Variants in PCLO observed in about 807,000 individuals in gnomAD.
The protein encoded by PCLO is protein piccolo.
PCLO carries 82 observed loss-of-function variants against 427.5 expected under a neutral mutation model. The observed-to-expected ratio is 0.19, with a 90% CI of 0.16 to 0.23. The LOEUF (loss-of-function observed/expected upper bound fraction) is 0.23. Ranked by LOEUF, PCLO falls within the 10% of genes least tolerant of loss-of-function variation. The probability of loss-of-function intolerance (pLI) is 1.00; values close to 1 mark genes in which losing one functional copy is unlikely to be tolerated. For missense variants in PCLO, 6,239 were observed against 6,115.9 expected, an observed-to-expected ratio of 1.02 and a Z score of -0.67; for synonymous variants, 2,357 against 2,155.4, an observed-to-expected ratio of 1.09 and a Z score of -2.59.
At chr7:82,887,266 C>T (rs1433678501) in intron 9 of PCLO, among the ~76,000 whole-genome samples, 2 of 152,164 alleles carry the variant, frequency 1.3e-5, no homozygotes, top group Non-Finnish European at 2.9e-5. Context: ...TTTCTCTTGA[C>T]TTTCACATCC....
chr7:83,013,150 TAAA>T (rs998154766), intron 3 of PCLO, among the ~76,000 whole-genome samples: 2 of 152,036 alleles, frequency 1.3e-5, no homozygotes, highest in African/African-American at 4.8e-5. Flanking sequence ...GCACTTATAA[TAAA>T]AATAAAAATC....
At chr7:83,011,410 T>C (rs909454725) in intron 3 of PCLO, among the ~76,000 whole-genome samples, 26 of 152,106 alleles carry the variant, frequency 1.7e-4, no homozygotes, top group Non-Finnish European at 3.5e-4. Context: ...TGCATATTTG[T>C]TGAACACTGT....
At chr7:82,918,051 C>G (rs1304449929) in intron 6 of PCLO, among the ~76,000 whole-genome samples, 2 of 151,728 alleles carry the variant, frequency 1.3e-5, no homozygotes, top group Non-Finnish European at 2.9e-5. Context: ...GAAACAAAAT[C>G]CTAAAGGTTT....
intron 7 of PCLO, among the ~76,000 whole-genome samples, chr7:82,911,196 A>T (rs1794312104): frequency 6.6e-6 from 1 of 152,106 alleles, no homozygotes; most frequent in African/African-American, 2.4e-5. Flanking sequence ...TAATAACCCT[A>T]TGTGTAACTG....
intron 20 of PCLO, among the ~76,000 whole-genome samples, chr7:82,817,773 T>G (rs1252635987): frequency 2.0e-5 from 3 of 152,106 alleles, no homozygotes. Flanking sequence ...ATTTAATAAT[T>G]TATTGTCTCA....
At chr7:83,091,031 G>A (rs1461208077) in intron 3 of PCLO, among the ~76,000 whole-genome samples, 1 of 152,034 alleles carries the variant, frequency 6.6e-6, no homozygotes, top group East Asian at 1.9e-4. Context: ...GTTTTAATGA[G>A]CATTGAAGTA....
At chr7:82,784,344 G>A (rs1442269571) in intron 22 of PCLO, among the ~76,000 whole-genome samples, 1 of 152,120 alleles carries the variant, frequency 6.6e-6, no homozygotes, top group African/African-American at 2.4e-5. Flanking sequence ...GGTCAGCCGG[G>A]AACGTTATTT....
intron 3 of PCLO, among the ~76,000 whole-genome samples, chr7:83,059,138 A>G (rs1789475019): frequency 6.6e-6 from 1 of 150,468 alleles, no homozygotes; most frequent in Admixed American, 6.6e-5. Context: ...TATACTATAT[A>G]CTATACCACC....
intron 21 of PCLO, among the ~76,000 whole-genome samples, chr7:82,804,368 C>A (rs1207532704): frequency 6.6e-6 from 1 of 152,062 alleles, no homozygotes; most frequent in Non-Finnish European, 1.5e-5. Context: ...TTCAAAACAA[C>A]AAAATGAACT....
intron 3 of PCLO, among the ~76,000 whole-genome samples, chr7:83,067,355 A>G (rs1266799428): frequency 6.6e-6 from 1 of 152,200 alleles, no homozygotes; most frequent in African/African-American, 2.4e-5. Context: ...AATTTTATCC[A>G]TATTTCAGAG....
chr7:82,863,168 T>G (rs1299288390), intron 10 of PCLO, among the ~76,000 whole-genome samples: 1 of 151,938 alleles, frequency 6.6e-6, no homozygotes, highest in East Asian at 1.9e-4. Context: ...AAAGTTATAC[T>G]TTGCTTACTT....
At chr7:83,144,258 C>A (rs1791938055) in intron 2 of PCLO, among the ~76,000 whole-genome samples, 1 of 152,016 alleles carries the variant, frequency 6.6e-6, no homozygotes, top group Non-Finnish European at 1.5e-5. Context: ...CCTGTCTCTA[C>A]TAAAAATACA....
At chr7:82,767,963 A>G (rs1790566493) in intron 22 of PCLO, among the ~76,000 whole-genome samples, 2 of 152,028 alleles carry the variant, frequency 1.3e-5, no homozygotes, top group South Asian at 4.1e-4. Context: ...TGAAAGAAAG[A>G]AGGAAAGAAA....
intron 3 of PCLO, among the ~76,000 whole-genome samples, chr7:82,986,030 A>T (rs1484161286): frequency 7.2e-5 from 11 of 151,992 alleles, no homozygotes; most frequent in African/African-American, 2.4e-4. Flanking sequence ...TTTTTATATC[A>T]TGATTACTAA....
intron 8 of PCLO, 58 bp downstream of exon 8, chr7:82,908,819 G>A (rs915925403): frequency 7.0e-7 from 1 of 1,421,738 alleles, no homozygotes; most frequent in African/African-American, 1.4e-5. Context: ...GACCATTCTA[G>A]GGTAGACTTG....
chr7:83,135,327 T>C lies in PCLO; in HGVS notation c.2223A>G (p.Pro741=), dbSNP rs1361720597. 1.2e-6 allele frequency: 2 copies of C among 1,613,962 alleles called. No individual in the cohort carries two copies. ...CAACAGGGGCCTTGTCCTGCTCAGATGGGACAGAAGGTTCTTTGGGAGGGG... is the reference window on the plus strand; with the variant it reads ...CAACAGGGGCCTTGTCCTGCTCAGACGGGACAGAAGGTTCTTTGGGAGGGG... ...KPAPPKEPSV[P]SEQDKAPVAD... is the part of the protein sequence containing the mutation. The change falls in exon 3 of 25, where the codon CCA becomes CCG. Residue 741 remains proline, a synonymous_variant. Transcript: ENST00000333891.
At chr7:82,837,705 CTT>C (rs1363462752) in intron 15 of PCLO, among the ~76,000 whole-genome samples, 1 of 151,862 alleles carries the variant, frequency 6.6e-6, no homozygotes, top group Non-Finnish European at 1.5e-5. Context: ...TCAAATATCA[CTT>C]TGTGCTATTT....
chr7:82,964,738 C>G lies in PCLO; in HGVS notation c.4017+1033G>C, dbSNP rs573398341. Among the ~76,000 whole-genome samples, 6 of 152,114 alleles carry G rather than the reference C, an allele frequency of 3.9e-5. No homozygotes were observed. The South Asian group carries it at 1.2e-3, about 32-fold the overall frequency. Reference sequence around the variant, plus strand: ...GGTGGTGGCGGTGGCTAGATTCAGTCATTAGAATGGAGACTATATATAGGC... The same window carrying G: ...GGTGGTGGCGGTGGCTAGATTCAGTGATTAGAATGGAGACTATATATAGGC... On this transcript the variant is annotated intron_variant, in intron 4 of 24. Transcript: ENST00000333891.
intron 3 of PCLO, among the ~76,000 whole-genome samples, chr7:83,019,724 T>G (rs1039621621): frequency 3.9e-5 from 6 of 152,106 alleles, no homozygotes; most frequent in African/African-American, 1.4e-4. Context: ...ACAAGTGGCC[T>G]TTATTACTCT....
Sources: gnomAD v4.1 joint callset for allele counts (sites outside exome capture counted in the v4.1 genomes callset) on GRCh38, gnomAD v4.1.1 for gene constraint, MANE v1.5 for transcripts, NCBI Gene and HGNC (gene_info 2026-07-23, HGNC 2026-07-21) for gene names.